Variants in UQCRH observed in about 807,000 individuals in gnomAD.
UQCRH encodes the protein cytochrome b-c1 complex subunit 6, mitochondrial.
UQCRH carries 14 observed loss-of-function variants against 16.3 expected under a neutral mutation model. That is an observed-to-expected ratio of 0.86 (90% CI 0.57 to 1.34). UQCRH has a LOEUF of 1.34. Ranked by LOEUF, UQCRH falls within the 40% of genes most tolerant of loss-of-function variation. The pLI is 0.00. For synonymous variants in UQCRH, 41 were observed against 41.9 expected (o/e 0.98, Z 0.08); for missense variants, 89 against 111.9 (o/e 0.80, Z 0.92).
chr1:46,315,710 CTGGA>C (rs1473016508), intron 3 of UQCRH, among the ~76,000 whole-genome samples: 1 of 151,874 alleles, frequency 6.6e-6, no homozygotes, highest in Non-Finnish European at 1.5e-5. Context: ...ATGCTACAAC[CTGGA>C]TAAACCTTGC....
intron 3 of UQCRH, among the ~76,000 whole-genome samples, chr1:46,310,534 C>T (rs1350511929): frequency 6.6e-6 from 1 of 152,214 alleles, no homozygotes; most frequent in Non-Finnish European, 1.5e-5. Context: ...ATGATCGTAG[C>T]TCAGTGCCAA....
chr1:46,310,256 A>C lies in UQCRH; in HGVS notation c.183A>C (p.Ser61=), dbSNP rs1169119604. 1 of 1,614,198 alleles carries C rather than the reference A, an allele frequency of 6.2e-7. No individual in the cohort carries two copies. The highest frequency in any genetic ancestry group is 1.3e-5 in the African/African-American group (1 of 75,044). The change falls in exon 3 of 4, where the codon TCA becomes TCC. Residue 61 remains serine (S), a synonymous_variant. Coordinates refer to ENST00000311672, the MANE Select transcript of UQCRH (RefSeq NM_006004.4). ...ELCDERVSSR[S]HTEEDCTEEL... is the part of the protein sequence containing the mutation. Reference sequence around the variant, plus strand: ...GTGATGAGCGTGTATCCTCTCGATCACATACAGAAGAGGATTGCACGGAGG... The same window carrying C: ...GTGATGAGCGTGTATCCTCTCGATCCCATACAGAAGAGGATTGCACGGAGG...
intron 1 of UQCRH, among the ~76,000 whole-genome samples, chr1:46,307,452 C>G (rs1461762036): frequency 6.6e-6 from 1 of 152,174 alleles, no homozygotes; most frequent in Non-Finnish European, 1.5e-5. Context: ...GATTCCTGAG[C>G]TAGTTCTTTT....
At chr1:46,307,477 C>T (rs759083015) in intron 1 of UQCRH, among the ~76,000 whole-genome samples, 2 of 152,180 alleles carry the variant, frequency 1.3e-5, no homozygotes, top group Non-Finnish European at 2.9e-5. Context: ...TCCCTAGATA[C>T]CTTTTCTTTC....
intron 3 of UQCRH, among the ~76,000 whole-genome samples, chr1:46,310,958 T>C (rs989710002): frequency 2.0e-4 from 30 of 151,302 alleles, no homozygotes; most frequent in Non-Finnish European, 3.2e-4. Flanking sequence ...TCCCAGCTAC[T>C]CGGGAGGCTG....
chr1:46,303,912 G>GT, intron 1 of UQCRH, 92 bp downstream of exon 1: 1 of 1,562,004 alleles, frequency 6.4e-7, no homozygotes, highest in Non-Finnish European at 8.8e-7. Flanking sequence ...TTAGCCCCCA[G>GT]TTTACCCTCT....
intron 1 of UQCRH, among the ~76,000 whole-genome samples, chr1:46,305,476 CG>C (rs1320173058): frequency 7.3e-5 from 1 of 13,770 alleles, no homozygotes; most frequent in Non-Finnish European, 2.5e-4. Flanking sequence ...TTTGGGAGGC[CG>C]AGGCGGGTGG....
At chr1:46,305,652 G>A (rs1661359889) in intron 1 of UQCRH, among the ~76,000 whole-genome samples, 1 of 151,896 alleles carries the variant, frequency 6.6e-6, no homozygotes, top group African/African-American at 2.4e-5. Context: ...TACTCGAGAG[G>A]CTGAGGCAGA....
In UQCRH at chr1:46,316,724, T is replaced by G. The variant is rs1661595521; in HGVS notation, c.*140T>G. ...CATGGGTTTGGCTTAGGCTGGTAGC[T>G]TCTATGTAATTCGCAATGATTCCAT... On this transcript the variant is annotated 3_prime_UTR_variant, in exon 4 of 4. Coordinates refer to ENST00000311672, the MANE Select transcript of UQCRH (RefSeq NM_006004.4). The G allele has an allele frequency of 1.7e-6, 2 of 1,196,784 alleles. No homozygotes were observed. The highest frequency in any genetic ancestry group is 2.3e-6 in the Non-Finnish European group (2 of 871,404). 74.1% of individuals were successfully genotyped at this position (1,196,784 alleles called of 1,614,324 possible). A position where few individuals can be genotyped will look rare whatever the true frequency, so the allele number is the denominator to read the frequency against.
At chr1:46,309,257 C>A in intron 2 of UQCRH, 130 bp downstream of exon 2, 2 of 1,060,784 alleles carry the variant, frequency 1.9e-6, no homozygotes, top group Non-Finnish European at 2.7e-6. Context: ...AGCTTTGATA[C>A]TTCCTGTGCA....
chr1:46,307,909 T>C (rs1661404256), intron 1 of UQCRH, among the ~76,000 whole-genome samples: 1 of 152,236 alleles, frequency 6.6e-6, no homozygotes, highest in Non-Finnish European at 1.5e-5. Flanking sequence ...ATGTAAGGAC[T>C]AAATTTTGCT....
Position 46,316,746 on chromosome 1 carries a change from C to G in UQCRH, c.*162C>G, listed in dbSNP as rs1661596152. 1 of 976,452 alleles carries G rather than the reference C, an allele frequency of 1.0e-6. No individual in the cohort carries two copies. The highest frequency in any genetic ancestry group is 3.1e-5 in the East Asian group (1 of 32,648). The allele number at this position is 976,452 out of a possible 1,614,324, so 60.5% of individuals were successfully genotyped here. The stretch of plus-strand genomic sequence containing the variant: ...AGCTTCTATGTAATTCGCAATGATT[C>G]CATCTAAATAAAAGTTCTATGATCT... On this transcript the variant is annotated 3_prime_UTR_variant, in exon 4 of 4. Transcript: ENST00000311672.
intron 1 of UQCRH, among the ~76,000 whole-genome samples, chr1:46,308,885 C>T (rs971143299): frequency 6.6e-6 from 1 of 152,094 alleles, no homozygotes; most frequent in African/African-American, 2.4e-5. Flanking sequence ...AAGGTATGCT[C>T]GCAGGCAAGT....
intron 1 of UQCRH, among the ~76,000 whole-genome samples, chr1:46,308,576 C>CCTAT (rs1414382715): frequency 6.6e-6 from 1 of 152,142 alleles, no homozygotes; most frequent in Non-Finnish European, 1.5e-5. Flanking sequence ...GTGGCTAATG[C>CCTAT]CTATAATCCC....
chr1:46,309,234 TG>T, intron 2 of UQCRH, 107 bp downstream of exon 2: 2 of 1,276,532 alleles, frequency 1.6e-6, no homozygotes, highest in South Asian at 2.8e-5. Context: ...TTGTAGATAA[TG>T]GGGGTGGAAT....
Position 46,310,293 on chromosome 1 carries a change from T to C in UQCRH, c.220T>C (p.Phe74Leu). The C allele has an allele frequency of 1.9e-6, 3 of 1,614,128 alleles. No individual in the cohort carries two copies. The South Asian group carries it at 3.3e-5, about 18-fold the overall frequency. The stretch of plus-strand genomic sequence containing the variant: ...GGATTGCACGGAGGAGCTCTTTGAC[T>C]TCTTGCATGCGAGGGACCATTGCGT... ...EEDCTEELFD[F>L]LHARDHCVAH... Residue 74 changes from phenylalanine (F) to leucine (L), a missense_variant, in exon 3 of 4, where the codon TTC becomes CTC. Phe to Leu is a conservative substitution (Grantham distance 22, BLOSUM62 0). Transcript: ENST00000311672.
intron 1 of UQCRH, among the ~76,000 whole-genome samples, chr1:46,306,380 G>GTTTT (rs58917170): frequency 5.3e-4 from 66 of 125,182 alleles, no homozygotes; most frequent in East Asian, 1.1e-3. Context: ...AACTTTTTCA[G>GTTTT]TTTTTTTTTT....
chr1:46,308,058 T>C (rs1223053247), intron 1 of UQCRH, among the ~76,000 whole-genome samples: 1 of 152,232 alleles, frequency 6.6e-6, no homozygotes, highest in African/African-American at 2.4e-5. Flanking sequence ...GGGACTGTTG[T>C]GATTAATTAA....
At chr1:46,309,838 G>A in intron 2 of UQCRH, 1 of 1,295,782 alleles carries the variant, frequency 7.7e-7, no homozygotes, top group Non-Finnish European at 9.9e-7. Flanking sequence ...TAACAAGTAA[G>A]GCCTCCTATA....
Sources: gnomAD v4.1 joint callset for allele counts (sites outside exome capture counted in the v4.1 genomes callset) on GRCh38, gnomAD v4.1.1 for gene constraint, MANE v1.5 for transcripts, NCBI Gene and HGNC (gene_info 2026-07-23, HGNC 2026-07-21) for gene names.